DTWD2: variants seen among roughly 807,000 people sequenced by gnomAD.
The protein encoded by DTWD2 is tRNA-uridine aminocarboxypropyltransferase 2.
DTWD2 carries 39 observed loss-of-function variants against 31.8 expected under a neutral mutation model. The observed-to-expected ratio is 1.22, with a 90% CI of 0.95 to 1.60. The LOEUF (loss-of-function observed/expected upper bound fraction) is 1.60, where lower values mean the gene tolerates loss of function less well. Among genes scored for constraint, DTWD2 ranks in the 40% most tolerant of loss-of-function variants. DTWD2 has a pLI of 0.00. For synonymous variants in DTWD2, 180 were observed against 142.8 expected (o/e 1.26, Z -1.86); for missense variants, 515 against 381.5 (o/e 1.35, Z -2.92).
intron 1 of DTWD2, among the ~76,000 whole-genome samples, chr5:118,964,584 C>G (rs1254756030): frequency 6.6e-6 from 1 of 152,222 alleles, no homozygotes; most frequent in South Asian, 2.1e-4. Context: ...CGATTGCAGG[C>G]GCGTGCCGCC....
intron 1 of DTWD2, among the ~76,000 whole-genome samples, chr5:118,952,509 T>C (rs1366005595): frequency 6.6e-6 from 1 of 152,214 alleles, no homozygotes; most frequent in East Asian, 1.9e-4. Context: ...GGGGAGCGTC[T>C]GAGCCGGGAG....
intron 4 of DTWD2, among the ~76,000 whole-genome samples, chr5:118,917,101 G>C (rs1324746369): frequency 1.3e-5 from 2 of 152,088 alleles, no homozygotes; most frequent in East Asian, 3.8e-4. Context: ...TTTATATGTA[G>C]ATGCTTATAA....
intron 4 of DTWD2, among the ~76,000 whole-genome samples, chr5:118,887,119 G>A (rs967879513): frequency 6.6e-6 from 1 of 152,114 alleles, no homozygotes; most frequent in Non-Finnish European, 1.5e-5. Context: ...GAAACTATAT[G>A]GTATAGTGGA....
At chr5:118,877,425 T>G (rs1309938409) in intron 4 of DTWD2, among the ~76,000 whole-genome samples, 1 of 151,298 alleles carries the variant, frequency 6.6e-6, no homozygotes, top group African/African-American at 2.4e-5. Context: ...TGAGCGGAGA[T>G]CACACCACTG....
intron 4 of DTWD2, among the ~76,000 whole-genome samples, chr5:118,887,928 AC>A (rs767176267): frequency 4.6e-5 from 7 of 152,138 alleles, no homozygotes; most frequent in Non-Finnish European, 7.4e-5. Context: ...GGCATGAGTT[AC>A]CATGCCTGGC....
chr5:118,946,089 T>C (rs1425285295), intron 1 of DTWD2, among the ~76,000 whole-genome samples: 2 of 152,228 alleles, frequency 1.3e-5, no homozygotes, highest in Non-Finnish European at 2.9e-5. Flanking sequence ...TGCAAGAAAC[T>C]GCCAAATCTA....
chr5:118,981,148 T>C (rs138019629), intron 1 of DTWD2, among the ~76,000 whole-genome samples: 6 of 152,036 alleles, frequency 3.9e-5, no homozygotes, highest in African/African-American at 7.2e-5. Flanking sequence ...AGTAAATTCA[T>C]AGAAACAAAA....
intron 4 of DTWD2, among the ~76,000 whole-genome samples, chr5:118,886,686 T>C (rs1752875662): frequency 6.6e-6 from 1 of 152,212 alleles, no homozygotes; most frequent in Non-Finnish European, 1.5e-5. Context: ...ACAAGTTCTA[T>C]TATTTATCCA....
At chr5:118,878,865 TG>T (rs766748992) in intron 4 of DTWD2, among the ~76,000 whole-genome samples, 43 of 152,274 alleles carry the variant, frequency 2.8e-4, no homozygotes, top group Non-Finnish European at 5.6e-4. Flanking sequence ...GACATACATG[TG>T]GCCAACAGTC....
intron 4 of DTWD2, among the ~76,000 whole-genome samples, chr5:118,881,540 G>T (rs1752740159): frequency 6.6e-6 from 1 of 152,066 alleles, no homozygotes; most frequent in Admixed American, 6.5e-5. Context: ...GGTCTTAGAG[G>T]ATGTATTAGT....
rs981391290 is a variant in DTWD2 at position 118,838,893 on chromosome 5, T to C, written c.*2024A>G. 2 of 152,176 alleles carry C rather than the reference T, an allele frequency of 1.3e-5. No individual in the cohort carries two copies. The highest frequency in any genetic ancestry group is 6.6e-5 in the Admixed American group (1 of 15,250). 9.4% of individuals were successfully genotyped at this position (152,176 alleles called of 1,614,324 possible). A position where few individuals can be genotyped will look rare whatever the true frequency, so the allele number is the denominator to read the frequency against. On this transcript the variant is annotated 3_prime_UTR_variant, in exon 6 of 6. Transcript: ENST00000510708. ...GAGTTTTCTTTTTAAAAAATAATAA[T>C]GATGGCTGGGCACGGTCCCAGCACT...
intron 4 of DTWD2, among the ~76,000 whole-genome samples, chr5:118,924,807 C>A (rs1014647781): frequency 1.3e-5 from 2 of 152,036 alleles, no homozygotes; most frequent in Admixed American, 6.6e-5. Context: ...GTTCAAATTG[C>A]GGCTATGCTA....
rs79963057 is a variant in DTWD2, at chr5:118,845,200, G to T, written c.726+2890C>A. Among the ~76,000 whole-genome samples, 3 of 151,950 alleles carry T rather than the reference G, an allele frequency of 2.0e-5. 1 individual carries two copies. The highest frequency in any genetic ancestry group is 7.2e-5 in the African/African-American group (3 of 41,406). The stretch of plus-strand genomic sequence containing the variant: ...GTGAAGGAAAGTGAAGCAAAGAAAA[G>T]AGGAAAAAGAAAAAGAAAATTTACT... On this transcript the variant is annotated intron_variant, in intron 5 of 5. Transcript: ENST00000510708.
intron 1 of DTWD2, among the ~76,000 whole-genome samples, chr5:118,972,411 G>A (rs1332086911): frequency 1.3e-5 from 2 of 152,146 alleles, no homozygotes; most frequent in Non-Finnish European, 2.9e-5. Flanking sequence ...ACCCTGCCAA[G>A]ACGAACCAGG....
chr5:118,917,864 C>G (rs1753613607), intron 4 of DTWD2, among the ~76,000 whole-genome samples: 1 of 151,920 alleles, frequency 6.6e-6, no homozygotes, highest in Admixed American at 6.6e-5. Flanking sequence ...ACTCAAGTGT[C>G]TGAGGCAGGA....
chr5:118,902,583 T>C lies in DTWD2; in HGVS notation c.597+25954A>G, dbSNP rs187170839. Among the ~76,000 whole-genome samples, 15 of 152,232 alleles carry C rather than the reference T, an allele frequency of 9.9e-5. No homozygotes were observed. In the East Asian group the frequency reaches 2.9e-3, roughly 29 times the overall value. On this transcript the variant is annotated intron_variant, in intron 4 of 5. Coordinates refer to ENST00000510708, the MANE Select transcript of DTWD2 (RefSeq NM_173666.4). ...GTTTTCTTTATACTTAGAAAATATA[T>C]ATGTTTTTAAAGTTTCTGATCAATG...
At position 118,878,802 on chromosome 5, in the gene DTWD2, GA is replaced by G. The variant is rs901593984; in HGVS notation, c.598-30585del. On this transcript the variant is annotated intron_variant, in intron 4 of 5. Transcript: ENST00000510708. ...TGCTATCTATTAAACAAATTCACAA[GA>G]AAAAAAAATCCTATTAAAAAGTGGA... is the stretch of plus-strand genomic sequence containing the variant. Among the ~76,000 whole-genome samples, 27 of 150,326 alleles carry G rather than the reference GA, an allele frequency of 1.8e-4. No individual in the cohort carries two copies. The South Asian group carries it at 1.9e-3, about 11-fold the overall frequency.
chr5:118,925,394 G>T (rs1397496200), intron 4 of DTWD2, among the ~76,000 whole-genome samples: 3 of 152,086 alleles, frequency 2.0e-5, no homozygotes, highest in Non-Finnish European at 2.9e-5. Flanking sequence ...AATCTACCAG[G>T]TACCTATTCA....
At chr5:118,920,998 C>T (rs1452598210) in intron 4 of DTWD2, among the ~76,000 whole-genome samples, 1 of 152,094 alleles carries the variant, frequency 6.6e-6, no homozygotes, top group African/African-American at 2.4e-5. Context: ...CTCTAATAAC[C>T]CTTTTTAAAT....
Sources: gnomAD v4.1 joint callset for allele counts (sites outside exome capture counted in the v4.1 genomes callset) on GRCh38, gnomAD v4.1.1 for gene constraint, MANE v1.5 for transcripts, NCBI Gene and HGNC (gene_info 2026-07-23, HGNC 2026-07-21) for gene names.